The following RYR3 variants were observed in gnomAD, a reference collection of about 807,000 sequenced individuals.
RYR3 encodes the protein brain ryanodine receptor-calcium release channel.
Under a neutral mutation model 584.3 loss-of-function variants are expected in RYR3, and 207 were observed. The observed-to-expected ratio is 0.35, with a 90% confidence interval of 0.32 to 0.40. The LOEUF is 0.40. Ranked by LOEUF, RYR3 falls within the 10% of genes least tolerant of loss-of-function variation. RYR3 has a pLI of 1.00. For synonymous variants in RYR3, 2,416 were observed against 2,248.5 expected (o/e 1.07, Z -2.11); for missense variants, 5,616 against 6,089.2 (o/e 0.92, Z 2.59).
intron 93 of RYR3, chr15:33,847,344 G>A (rs763698444): frequency 6.6e-6 from 1 of 152,220 alleles, no homozygotes; most frequent in Non-Finnish European, 1.5e-5. Flanking sequence ...GGACAAAAGC[G>A]ATGTGGGGTA....
rs886970757 is a variant in RYR3, at chr15:33,780,261, C to G, written c.9188C>G (p.Pro3063Arg). ...ECLASLAAAIPVAFLEPTLNR... is the reference protein window; with the variant it reads ...ECLASLAAAIRVAFLEPTLNR... ...CTGGCCTCGCTGGCAGCTGCCATAC[C>G]AGTGGCATTCCTGGAGCCCACCCTT... is the stretch of plus-strand genomic sequence containing the variant. The change falls in exon 65 of 104, where the codon CCA becomes CGA. Residue 3063 changes from proline (P) to arginine (R), a missense_variant. Coordinates refer to ENST00000634891, the MANE Select transcript of RYR3 (RefSeq NM_001036.6). 1.2e-6 allele frequency: 2 copies of G among 1,613,736 alleles called. No homozygotes were observed. Among genetic ancestry groups the G allele is most frequent in the Non-Finnish European group, 1.7e-6 (2 of 1,179,770 alleles).
At chr15:33,863,003 C>G (rs1597130291) in intron 102 of RYR3, among the ~76,000 whole-genome samples, 1 of 152,178 alleles carries the variant, frequency 6.6e-6, no homozygotes. Flanking sequence ...GAATATACAT[C>G]TTAATGGAGG....
chr15:33,663,545 G>A lies in RYR3; in HGVS notation c.5427G>A (p.Glu1809=), dbSNP rs1380538921. Residue 1809 remains glutamate (E), a synonymous_variant, in exon 36 of 104, where the codon GAG becomes GAA. Transcript: ENST00000634891. ...LPESVKLQMC[E]LLSYLCDCEL... is the part of the protein sequence containing the mutation. ...TAATACTTTCATTGCAGATGTGTGA[G>A]CTCCTCAGCTATCTCTGCGACTGTG... is the stretch of plus-strand genomic sequence containing the variant. The A allele has an allele frequency of 1.2e-6, 2 of 1,613,486 alleles. No homozygotes were observed. Among genetic ancestry groups the A allele is most frequent in the Non-Finnish European group, 1.7e-6 (2 of 1,179,738 alleles).
intron 99 of RYR3, among the ~76,000 whole-genome samples, chr15:33,859,367 C>T (rs1006992681): frequency 1.3e-5 from 2 of 152,304 alleles, no homozygotes; most frequent in South Asian, 2.1e-4. Context: ...CTAAATGTAA[C>T]GACAGTCTTT....
intron 85 of RYR3, among the ~76,000 whole-genome samples, chr15:33,828,509 G>A (rs1287992970): frequency 6.6e-6 from 1 of 152,230 alleles, no homozygotes; most frequent in Non-Finnish European, 1.5e-5. Flanking sequence ...GGCTGCCTCA[G>A]TGAGCATATG....
At chr15:33,546,993 A>G (rs1435102) in intron 8 of RYR3, among the ~76,000 whole-genome samples, 109,077 of 152,016 alleles carry the variant, frequency 0.72, 40,737 homozygotes, top group Middle Eastern at 0.9. Context: ...ATCAGAGGTC[A>G]CAAGATTCTC....
At chr15:33,712,378 AG>A (rs1175553941) in intron 43 of RYR3, among the ~76,000 whole-genome samples, 4 of 152,194 alleles carry the variant, frequency 2.6e-5, no homozygotes, top group African/African-American at 9.6e-5. Flanking sequence ...TTGAGAGAAA[AG>A]GAACAGAGGT....
rs1327011046 is a variant in RYR3, at chr15:33,628,524, C to A, written c.2628C>A (p.Ile876=). ...EKIRDRLAEN[I]HELWGMNKIE... The stretch of plus-strand genomic sequence containing the variant: ...TCCGAGACAGACTAGCTGAAAACAT[C>A]CATGAGCTTTGGGGAATGAATAAAA... The change falls in exon 21 of 104, where the codon ATC becomes ATA. Residue 876 remains isoleucine (I), a synonymous_variant. Coordinates refer to ENST00000634891, the MANE Select transcript of RYR3 (RefSeq NM_001036.6). 1 of 1,613,814 alleles carries A rather than the reference C, an allele frequency of 6.2e-7. No homozygotes were observed. Among genetic ancestry groups the A allele is most frequent in the South Asian group, 1.1e-5 (1 of 91,052 alleles).
At chr15:33,358,120 A>G (rs531603313) in intron 1 of RYR3, among the ~76,000 whole-genome samples, 13 of 152,300 alleles carry the variant, frequency 8.5e-5, no homozygotes, top group Middle Eastern at 3.4e-3. Context: ...GTTGGGTCCA[A>G]TCCTGGCTGA....
At chr15:33,843,396 ACTT>A (rs750954721) in intron 91 of RYR3, 89 bp from the exon 92 acceptor site, 1 of 815,474 alleles carries the variant, frequency 1.2e-6, no homozygotes, top group Non-Finnish European at 2.0e-6. Context: ...TCAAGTGTGA[ACTT>A]CTAACCAGAA....
intron 47 of RYR3, 137 bp downstream of exon 47, chr15:33,729,163 TA>T: frequency 1.3e-6 from 1 of 740,988 alleles, no homozygotes; most frequent in Admixed American, 2.9e-5. Flanking sequence ...AAAATAGAGG[TA>T]TCATGAAATG....
rs1461557248 is a variant in RYR3, at chr15:33,503,645, T to A, written c.186T>A (p.Asp62Glu). The change falls in exon 3 of 104, where the codon GAT becomes GAA. Residue 62 changes from aspartate to glutamate, a missense_variant. Physicochemically the swap from Asp to Glu is conservative, Grantham distance 45. Coordinates refer to ENST00000634891, the MANE Select transcript of RYR3 (RefSeq NM_001036.6). ...PTSEAKYIPP[D>E]LCVCNFVLEQ... is the part of the protein sequence containing the mutation. ...TATTTCCACAGTACATTCCTCCAGA[T>A]CTCTGCGTCTGCAATTTTGTGCTGG... 1 of 1,608,310 alleles carries A rather than the reference T, an allele frequency of 6.2e-7. No homozygotes were observed. The highest frequency in any genetic ancestry group is 8.5e-7 in the Non-Finnish European group (1 of 1,175,770).
chr15:33,663,844 T>C (rs2063311335), intron 36 of RYR3, 107 bp downstream of exon 36: 2 of 960,546 alleles, frequency 2.1e-6, no homozygotes, highest in Admixed American at 2.7e-5. Context: ...TCAAGAGCTA[T>C]GGAAGATGAA....
At chr15:33,317,175 A>G (rs979378880) in intron 1 of RYR3, among the ~76,000 whole-genome samples, 3 of 151,626 alleles carry the variant, frequency 2.0e-5, no homozygotes, top group African/African-American at 7.3e-5. Flanking sequence ...TATCCTTCCT[A>G]TTCCCCTTCC....
intron 3 of RYR3, among the ~76,000 whole-genome samples, chr15:33,510,080 T>C (rs1435403961): frequency 6.6e-6 from 1 of 152,210 alleles, no homozygotes; most frequent in African/African-American, 2.4e-5. Context: ...GCAAAATTGC[T>C]CTCATGTGCA....
chr15:33,652,955 C>T (rs1224371573), intron 32 of RYR3, 72 bp downstream of exon 32: 59 of 1,446,504 alleles, frequency 4.1e-5, no homozygotes, highest in Non-Finnish European at 3.5e-5. Context: ...CCTTGTTCTC[C>T]GTACTCAGCA....
chr15:33,789,658 A>ATAT (rs1257313353), intron 67 of RYR3, among the ~76,000 whole-genome samples: 2 of 12,782 alleles, frequency 1.6e-4, no homozygotes, highest in Non-Finnish European at 2.6e-4. Context: ...ATATATATAT[A>ATAT]TTTTTTTTTT....
At chr15:33,785,077 A>T (rs1417823803) in intron 65 of RYR3, among the ~76,000 whole-genome samples, 1 of 152,120 alleles carries the variant, frequency 6.6e-6, no homozygotes, top group East Asian at 1.9e-4. Flanking sequence ...GTCATCCATC[A>T]TTTCTATTGT....
intron 53 of RYR3, among the ~76,000 whole-genome samples, chr15:33,747,498 C>T (rs1282802172): frequency 1.5e-5 from 2 of 137,440 alleles, no homozygotes; most frequent in African/African-American, 5.5e-5. Flanking sequence ...AATCTTGGCT[C>T]AGTGCAAGCT....
Sources: gnomAD v4.1 joint callset for allele counts (sites outside exome capture counted in the v4.1 genomes callset) on GRCh38, gnomAD v4.1.1 for gene constraint, MANE v1.5 for transcripts, NCBI Gene and HGNC (gene_info 2026-07-23, HGNC 2026-07-21) for gene names.